Variants in CENPW observed in about 807,000 individuals in gnomAD.
CENPW encodes centromere protein W, also known as cancer-up-regulated gene 2 protein.
A neutral mutation model predicts 11.1 loss-of-function variants in CENPW; 3 were observed. The ratio of observed to expected loss-of-function variants is 0.27; its 90% CI spans 0.12 to 0.70. The LOEUF (loss-of-function observed/expected upper bound fraction) is 0.70, where lower values mean the gene tolerates loss of function less well. CENPW is among the 30% of genes least tolerant of loss of function. CENPW has a pLI of 0.77. For synonymous variants in CENPW, 38 were observed against 42.0 expected (o/e 0.91, Z 0.37); for missense variants, 100 against 105.6 (o/e 0.95, Z 0.23).
the CENPW span, among the ~76,000 whole-genome samples, chr6:126,446,878 G>T: frequency 6.6e-6 from 1 of 150,990 alleles, no homozygotes; most frequent in Non-Finnish European, 1.5e-5. Context: ...ATTTTAACAT[G>T]GAAAATAAAC....
At chr6:126,372,255 C>G in the CENPW span, among the ~76,000 whole-genome samples, 1 of 152,000 alleles carries the variant, frequency 6.6e-6, no homozygotes. Flanking sequence ...ATGACACCAG[C>G]AAGAAAATGT....
the CENPW span, among the ~76,000 whole-genome samples, chr6:126,406,161 G>T: frequency 1.3e-5 from 2 of 152,070 alleles, no homozygotes; most frequent in Non-Finnish European, 2.9e-5. Context: ...TTTTTATTAT[G>T]ATGGGATGTT....
chr6:126,418,989 G>A, the CENPW span, among the ~76,000 whole-genome samples: 1 of 151,594 alleles, frequency 6.6e-6, no homozygotes. Context: ...TAAATGATGA[G>A]TTAATGGGTG....
At chr6:126,404,266 C>T in the CENPW span, among the ~76,000 whole-genome samples, 10 of 152,020 alleles carry the variant, frequency 6.6e-5, no homozygotes, top group African/African-American at 1.9e-4. Context: ...ATTCTGCAGC[C>T]CATGGATCAA....
At chr6:126,385,028 T>TA in the CENPW span, among the ~76,000 whole-genome samples, 6 of 152,020 alleles carry the variant, frequency 3.9e-5, no homozygotes, top group African/African-American at 1.2e-4. Context: ...TGAATGATTA[T>TA]TAGAGAAAAG....
the CENPW span, among the ~76,000 whole-genome samples, chr6:126,421,798 G>A: frequency 6.6e-6 from 1 of 152,022 alleles, no homozygotes; most frequent in Non-Finnish European, 1.5e-5. Flanking sequence ...AACCAAATAA[G>A]ATGTTTATTG....
chr6:126,453,091 G>T, the CENPW span, among the ~76,000 whole-genome samples: 583 of 151,114 alleles, frequency 3.9e-3, 4 homozygotes, highest in African/African-American at 0.013. Context: ...TCAGATGAAG[G>T]GAAACTAAGG....
chr6:126,377,553 T>G, the CENPW span, among the ~76,000 whole-genome samples: 1 of 152,160 alleles, frequency 6.6e-6, no homozygotes, highest in African/African-American at 2.4e-5. Context: ...TTGCAGAAGG[T>G]GATAGTTAAA....
the CENPW span, among the ~76,000 whole-genome samples, chr6:126,418,286 T>G: frequency 1.3e-5 from 2 of 152,198 alleles, no homozygotes; most frequent in Non-Finnish European, 2.9e-5. Flanking sequence ...ACACAAATAC[T>G]TTTACATAAA....
At chr6:126,454,055 C>T in the CENPW span, among the ~76,000 whole-genome samples, 1 of 151,380 alleles carries the variant, frequency 6.6e-6, no homozygotes, top group Non-Finnish European at 1.5e-5. Flanking sequence ...AGCACAGGAG[C>T]ATCTAAATTC....
At chr6:126,473,928 GAATA>G in the CENPW span, among the ~76,000 whole-genome samples, 3 of 147,340 alleles carry the variant, frequency 2.0e-5, no homozygotes, top group African/African-American at 7.4e-5. Context: ...CATAGATATA[GAATA>G]TATATAGAAT....
the CENPW span, among the ~76,000 whole-genome samples, chr6:126,447,654 C>A: frequency 1.3e-5 from 2 of 151,192 alleles, no homozygotes; most frequent in African/African-American, 2.4e-5. Context: ...TTGTCCTGAG[C>A]AGCTTGCTCT....
At chr6:126,407,301 A>G in the CENPW span, among the ~76,000 whole-genome samples, 1 of 152,146 alleles carries the variant, frequency 6.6e-6, no homozygotes, top group Non-Finnish European at 1.5e-5. Flanking sequence ...TCCATGGTGT[A>G]TATGTACCAC....
At chr6:126,464,445 G>A in the CENPW span, among the ~76,000 whole-genome samples, 43 of 152,184 alleles carry the variant, frequency 2.8e-4, 1 homozygote, top group East Asian at 4.5e-3. Context: ...CAGTGCACTG[G>A]GAGAGGTAGG....
intron 1 of CENPW, among the ~76,000 whole-genome samples, chr6:126,345,609 T>A (rs559843020): frequency 3.7e-4 from 57 of 152,188 alleles, no homozygotes; most frequent in African/African-American, 1.3e-3. Flanking sequence ...TTTTAAATAA[T>A]TTTTTAAAAA....
the CENPW span, among the ~76,000 whole-genome samples, chr6:126,473,591 G>T: frequency 6.6e-6 from 1 of 151,880 alleles, no homozygotes; most frequent in East Asian, 1.9e-4. Context: ...AATTAGCTGG[G>T]TGGCAGTGGC....
At chr6:126,378,668 T>C in the CENPW span, among the ~76,000 whole-genome samples, 1 of 152,278 alleles carries the variant, frequency 6.6e-6, no homozygotes, top group South Asian at 2.1e-4. Flanking sequence ...ATTAATCTTA[T>C]GTGGAAGGTA....
the CENPW span, among the ~76,000 whole-genome samples, chr6:126,453,810 C>A: frequency 6.6e-6 from 1 of 151,110 alleles, no homozygotes; most frequent in African/African-American, 2.4e-5. Flanking sequence ...TTCAAGTGAT[C>A]CATGTTACAA....
chr6:126,375,734 A>G, the CENPW span, among the ~76,000 whole-genome samples: 2 of 151,236 alleles, frequency 1.3e-5, no homozygotes, highest in Non-Finnish European at 2.9e-5. Flanking sequence ...TGTTTCTTTT[A>G]TATGTTATTC....
Sources: allele counts gnomAD v4.1 joint callset (sites outside exome capture counted in the v4.1 genomes callset), GRCh38; gene constraint gnomAD v4.1.1; transcripts MANE v1.5; gene names NCBI Gene and HGNC (gene_info 2026-07-23, HGNC 2026-07-21).